Variants in SH3D19 observed in about 807,000 individuals in gnomAD.
SH3D19 encodes SH3 domain containing 19.
In SH3D19, 58 loss-of-function variants were observed where a neutral mutation model predicts 112.1. The observed-to-expected ratio is 0.52, with a 90% CI of 0.42 to 0.64. The LOEUF is 0.64. Among genes scored for constraint, SH3D19 ranks in the 30% least tolerant of loss-of-function variants. The probability of loss-of-function intolerance (pLI) is 0.00; values close to 1 mark genes in which losing one functional copy is unlikely to be tolerated. For missense variants in SH3D19, 1,090 were observed against 1,263.4 expected, an observed-to-expected ratio of 0.86 and a Z score of 2.08; for synonymous variants, 391 against 448.5, an observed-to-expected ratio of 0.87 and a Z score of 1.62.
chr4:151,212,889 G>A (rs1766198016), intron 2 of SH3D19, among the ~76,000 whole-genome samples: 1 of 152,218 alleles, frequency 6.6e-6, no homozygotes, highest in African/African-American at 2.4e-5. Flanking sequence ...GAATATCTGT[G>A]ATTCATGGGA....
intron 9 of SH3D19, among the ~76,000 whole-genome samples, chr4:151,152,642 C>A (rs1331890935): frequency 6.6e-6 from 1 of 150,638 alleles, no homozygotes; most frequent in East Asian, 2.0e-4. Context: ...CCTCAGCCTG[C>A]CGAGTAGCTG....
At chr4:151,204,059 T>G (rs920665216) in intron 2 of SH3D19, among the ~76,000 whole-genome samples, 1 of 152,198 alleles carries the variant, frequency 6.6e-6, no homozygotes, top group African/African-American at 2.4e-5. Context: ...CATTAATATA[T>G]TTGTCACAAT....
rs1216109056 is a variant in SH3D19 at position 151,122,197 on chromosome 4, A to T, written c.3038T>A (p.Ile1013Lys). 1.3e-6 allele frequency: 2 copies of T among 1,583,774 alleles called. No individual in the cohort carries two copies. The highest frequency in any genetic ancestry group is 1.7e-5 in the Admixed American group (1 of 59,700). Reference sequence around the variant, plus strand: ...ATCTACAGATTCCAGCTCTGTTATTATATCTCCAGCCTGTAAGACAAAAGG... The same window carrying T: ...ATCTACAGATTCCAGCTCTGTTATTTTATCTCCAGCCTGTAAGACAAAAGG... ...EDELSFKAGD[I>K]ITELESVDDD... The change falls in exon 20 of 20, where the codon ATA (isoleucine) becomes AAA (lysine). Residue 1013 changes from isoleucine to lysine, a missense_variant. By Grantham distance (102) the Ile-to-Lys change is moderately radical. Transcript: ENST00000604030.
At chr4:151,228,020 A>T in intron 1 of SH3D19, 1 of 985,440 alleles carries the variant, frequency 1.0e-6, no homozygotes, top group Non-Finnish European at 1.2e-6. Context: ...CCACTCAGGA[A>T]GCAAATGGCT....
chr4:151,297,452 A>G (rs1468266867), intron 1 of SH3D19, among the ~76,000 whole-genome samples: 1 of 152,234 alleles, frequency 6.6e-6, no homozygotes, highest in Non-Finnish European at 1.5e-5. Context: ...ATGAGGGCCT[A>G]TGGCTCCAGA....
chr4:151,251,278 A>C (rs1771371517), intron 1 of SH3D19, among the ~76,000 whole-genome samples: 1 of 149,152 alleles, frequency 6.7e-6, no homozygotes, highest in African/African-American at 2.5e-5. Flanking sequence ...GGCTCACTGC[A>C]ACCTCTGCCT....
At chr4:151,128,387 T>C in intron 17 of SH3D19, 31 bp from the exon 18 acceptor site, 1 of 1,538,540 alleles carries the variant, frequency 6.5e-7, no homozygotes, top group Non-Finnish European at 8.8e-7. Flanking sequence ...TGGTCAGAAG[T>C]GTAAGATTTT....
intron 1 of SH3D19, among the ~76,000 whole-genome samples, chr4:151,237,148 C>T (rs1770146250): frequency 1.3e-5 from 2 of 152,134 alleles, no homozygotes; most frequent in African/African-American, 4.8e-5. Flanking sequence ...CCAGCGAGAC[C>T]ACGAACCCAG....
At chr4:151,196,971 T>C (rs1166026242) in intron 2 of SH3D19, among the ~76,000 whole-genome samples, 1 of 152,056 alleles carries the variant, frequency 6.6e-6, no homozygotes, top group Non-Finnish European at 1.5e-5. Flanking sequence ...AGAATGGCCA[T>C]AATAAAAAAA....
intron 2 of SH3D19, among the ~76,000 whole-genome samples, chr4:151,212,791 T>C (rs1372017052): frequency 6.6e-6 from 1 of 152,232 alleles, no homozygotes; most frequent in African/African-American, 2.4e-5. Context: ...TGTAAGGCCA[T>C]AGTTGCCATA....
intron 1 of SH3D19, among the ~76,000 whole-genome samples, chr4:151,252,368 G>A (rs1165478782): frequency 1.3e-5 from 2 of 152,014 alleles, no homozygotes; most frequent in African/African-American, 4.8e-5. Flanking sequence ...TAAATCTGAT[G>A]GTCAGTTCTC....
rs569736409 is a variant in SH3D19, at chr4:151,302,099, C to A, written c.112+23142G>T. On this transcript the variant is annotated intron_variant, in intron 1 of 19. Transcript: ENST00000604030. Reference sequence around the variant, plus strand: ...TCAAGGTACCATGTAACTTGCAGGACCCCCACACCATTAATGTCAGGTTAA... The same window carrying A: ...TCAAGGTACCATGTAACTTGCAGGAACCCCACACCATTAATGTCAGGTTAA... Among the ~76,000 whole-genome samples the A allele has an allele frequency of 3.3e-5, 5 of 152,232 alleles. No individual in the cohort carries two copies. In the South Asian group the frequency reaches 1.0e-3, roughly 32 times the overall value.
Position 151,148,112 on chromosome 4 carries a change from T to C in SH3D19, c.1892A>G (p.Lys631Arg), listed in dbSNP as rs927215457. 6.2e-7 allele frequency: 1 copy of C among 1,613,928 alleles called. No individual in the cohort carries two copies. The highest frequency in any genetic ancestry group is 1.3e-5 in the African/African-American group (1 of 74,878). ...KVPPERPPPPKLSATRRSNKK... is the reference protein window; with the variant it reads ...KVPPERPPPPRLSATRRSNKK... ...ATTAGATCTTCTGGTTGCAGAAAGC[T>C]TTGGGGGAGGTGGTCTCTCAGGGGG... Residue 631 changes from lysine (K) to arginine (R), a missense_variant, in exon 11 of 20, where the codon AAG (lysine) becomes AGG (arginine). By Grantham distance (26) the Lys-to-Arg change is conservative. Transcript: ENST00000604030.
chr4:151,273,589 CAAAAAAA>C (rs60600816), intron 1 of SH3D19, among the ~76,000 whole-genome samples: 52 of 64,646 alleles, frequency 8.0e-4, no homozygotes, highest in African/African-American at 1.9e-3. Context: ...GACTCCATCT[CAAAAAAA>C]AAAAAAAAAA....
chr4:151,158,838 AT>A (rs1358318558), intron 9 of SH3D19, among the ~76,000 whole-genome samples: 1 of 152,094 alleles, frequency 6.6e-6, no homozygotes, highest in African/African-American at 2.4e-5. Flanking sequence ...TAAATTTCAG[AT>A]TTAAAAATTC....
At chr4:151,317,056 G>A (rs1730057887) in intron 1 of SH3D19, among the ~76,000 whole-genome samples, 1 of 152,228 alleles carries the variant, frequency 6.6e-6, no homozygotes, top group African/African-American at 2.4e-5. Flanking sequence ...AGTGAATGAA[G>A]CTGCTATCTT....
chr4:151,120,435 TA>T lies in SH3D19; in HGVS notation c.*1655del, dbSNP rs1357026426. On this transcript the variant is annotated 3_prime_UTR_variant, in exon 20 of 20. Transcript: ENST00000604030. ...TCTTCAATATAAGATGTTAAAATTA[TA>T]AAGGCAAAGATATATACCTCATGTT... 1 of 152,588 alleles carries T rather than the reference TA, an allele frequency of 6.6e-6. No homozygotes were observed. Among genetic ancestry groups the T allele is most frequent in the Admixed American group, 6.5e-5 (1 of 15,280 alleles). 9.5% of individuals were successfully genotyped at this position (152,588 alleles called of 1,614,324 possible).
intron 1 of SH3D19, among the ~76,000 whole-genome samples, chr4:151,233,445 T>G (rs1174481878): frequency 6.6e-6 from 1 of 152,088 alleles, no homozygotes; most frequent in African/African-American, 2.4e-5. Flanking sequence ...AGAGAATCCC[T>G]TTCCTTGCCT....
At chr4:151,136,089 A>G (rs1403464345) in intron 14 of SH3D19, among the ~76,000 whole-genome samples, 1 of 152,180 alleles carries the variant, frequency 6.6e-6, no homozygotes, top group African/African-American at 2.4e-5. Context: ...CCCCTTCAAC[A>G]TGAATAGGGA....
Sources: gnomAD v4.1 joint callset for allele counts (sites outside exome capture counted in the v4.1 genomes callset) on GRCh38, gnomAD v4.1.1 for gene constraint, MANE v1.5 for transcripts, NCBI Gene and HGNC (gene_info 2026-07-23, HGNC 2026-07-21) for gene names.